DENND4C: variants seen among roughly 807,000 people sequenced by gnomAD.
The protein encoded by DENND4C is DENN domain containing 4C.
DENND4C carries 108 observed loss-of-function variants against 203.0 expected under a neutral mutation model. The observed-to-expected ratio is 0.53, with a 90% CI of 0.46 to 0.62. DENND4C has a LOEUF of 0.62. DENND4C is among the 20% of genes least tolerant of loss of function. The pLI is 0.00. For synonymous variants in DENND4C, 871 were observed against 792.4 expected, an observed-to-expected ratio of 1.10 and a Z score of -1.67; for missense variants, 2,481 against 2,301.2, an observed-to-expected ratio of 1.08 and a Z score of -1.60.
intron 20 of DENND4C, among the ~76,000 whole-genome samples, chr9:19,338,361 T>A (rs1217829697): frequency 6.6e-6 from 1 of 152,300 alleles, no homozygotes; most frequent in Admixed American, 6.5e-5. Flanking sequence ...GATTTTTAAG[T>A]TTACCTCATT....
At chr9:19,237,057 G>A (rs1822140585) in intron 1 of DENND4C, among the ~76,000 whole-genome samples, 1 of 151,824 alleles carries the variant, frequency 6.6e-6, no homozygotes, top group African/African-American at 2.4e-5. Flanking sequence ...TTTTGCTCTT[G>A]TTGCCCGGGC....
At chr9:19,297,862 C>T (rs1588869149) in intron 6 of DENND4C, among the ~76,000 whole-genome samples, 194 bp from the exon 7 acceptor site, 1 of 152,010 alleles carries the variant, frequency 6.6e-6, no homozygotes, top group Non-Finnish European at 1.5e-5. Flanking sequence ...TCAGGAAATA[C>T]ATTGTGTATT....
At chr9:19,315,561 ATGTG>A (rs931238646) in intron 10 of DENND4C, among the ~76,000 whole-genome samples, 1 of 151,140 alleles carries the variant, frequency 6.6e-6, no homozygotes, top group Non-Finnish European at 1.5e-5. Context: ...GTATATATGT[ATGTG>A]TGTATATATA....
chr9:19,277,169 T>C (rs1250170496), intron 2 of DENND4C, among the ~76,000 whole-genome samples: 3 of 152,162 alleles, frequency 2.0e-5, no homozygotes, highest in African/African-American at 4.8e-5. Context: ...TACTAAAATA[T>C]AGATATTTGG....
intron 23 of DENND4C, among the ~76,000 whole-genome samples, chr9:19,350,100 A>C (rs1049415413): frequency 6.6e-6 from 1 of 152,210 alleles, no homozygotes; most frequent in Admixed American, 6.5e-5. Flanking sequence ...TTCTACCTAA[A>C]GCTTCAACAA....
intron 12 of DENND4C, among the ~76,000 whole-genome samples, chr9:19,317,920 A>C (rs1348036124): frequency 1.3e-5 from 2 of 152,240 alleles, no homozygotes; most frequent in African/African-American, 4.8e-5. Context: ...AATGGAGATA[A>C]ATGGAGAAGA....
At chr9:19,308,926 A>C (rs1269927943) in intron 10 of DENND4C, among the ~76,000 whole-genome samples, 1 of 152,230 alleles carries the variant, frequency 6.6e-6, no homozygotes, top group African/African-American at 2.4e-5. Context: ...ATGGCTTTAA[A>C]ATTAAGTTGT....
At chr9:19,275,585 C>G (rs966367798) in intron 1 of DENND4C, among the ~76,000 whole-genome samples, 1 of 152,128 alleles carries the variant, frequency 6.6e-6, no homozygotes, top group African/African-American at 2.4e-5. Flanking sequence ...ATTCTCCTGC[C>G]TCAGCCTCCC....
chr9:19,363,218 G>T (rs1006531928), intron 30 of DENND4C, among the ~76,000 whole-genome samples: 7 of 152,150 alleles, frequency 4.6e-5, no homozygotes, highest in African/African-American at 1.4e-4. Flanking sequence ...GCTGTATTAG[G>T]TTAGGGCCCC....
At position 19,341,071 on chromosome 9, in the gene DENND4C, G is replaced by T; in HGVS notation, c.2961G>T (p.Gln987His). The change falls in exon 21 of 33, where the codon CAG becomes CAT. Residue 987 changes from glutamine (Q) to histidine (H), a missense_variant. Around this residue, in one of 3 missense-constraint regions of DENND4C, gnomAD observed 2,289 missense variants for 2,113.3 expected, o/e 1.08. Transcript: ENST00000434457. ...DDAEIHVPEE[Q>H]AARELITKTK... ...CAGAAATTCATGTGCCTGAAGAACAGGCAGCAAGAGAATTGATAACTAAAA... is the reference window on the plus strand; with the variant it reads ...CAGAAATTCATGTGCCTGAAGAACATGCAGCAAGAGAATTGATAACTAAAA... 6.2e-7 allele frequency: 1 copy of T among 1,612,872 alleles called. No homozygotes were observed. Among genetic ancestry groups the T allele is most frequent in the Non-Finnish European group, 8.5e-7 (1 of 1,179,458 alleles).
At chr9:19,271,057 C>A (rs7871283) in intron 1 of DENND4C, among the ~76,000 whole-genome samples, 1 of 151,802 alleles carries the variant, frequency 6.6e-6, no homozygotes. Flanking sequence ...TCAGAAACAT[C>A]GCTGAAAAAA....
rs575500077 is a variant in DENND4C at position 19,316,437 on chromosome 9, T to C, written c.1508T>C (p.Met503Thr). 2.9e-5 allele frequency: 46 copies of C among 1,613,656 alleles called. No homozygotes were observed. Among genetic ancestry groups the C allele is most frequent in the Non-Finnish European group, 3.4e-5 (40 of 1,179,836 alleles). Reference protein sequence around the residue: ...MLYVSDEKKNMNWKQLPKKPC... With the variant: ...MLYVSDEKKNTNWKQLPKKPC... Reference sequence around the variant, plus strand: ...AATAGATCAGATGAAAAGAAGAACATGAACTGGAAGCAACTTCCCAAAAAG... The same window carrying C: ...AATAGATCAGATGAAAAGAAGAACACGAACTGGAAGCAACTTCCCAAAAAG... The change falls in exon 11 of 33, where the codon ATG becomes ACG. Residue 503 changes from methionine (M) to threonine (T), a missense_variant. Coordinates refer to ENST00000434457, the MANE Select transcript of DENND4C (RefSeq NM_001330640.2).
intron 18 of DENND4C, 67 bp downstream of exon 18, chr9:19,335,172 T>G: frequency 8.3e-7 from 1 of 1,204,086 alleles, no homozygotes; most frequent in Non-Finnish European, 1.1e-6. Context: ...ATACCTTTAG[T>G]TATTCATGAA....
At position 19,345,979 on chromosome 9, in the gene DENND4C, C is replaced by T. The variant is rs74631621; in HGVS notation, c.3210C>T (p.Gly1070=). The change falls in exon 23 of 33, where the codon GGC becomes GGT. Residue 1070 remains glycine (G), a synonymous_variant. Transcript: ENST00000434457. ...TQDPVEDAVF[G]EATNLKKNGD... is the part of the protein sequence containing the mutation. ...ATCCAGTTGAAGATGCAGTCTTTGGCGAAGCTACTAATCTCAAGAAGAATG... is the reference window on the plus strand; with the variant it reads ...ATCCAGTTGAAGATGCAGTCTTTGGTGAAGCTACTAATCTCAAGAAGAATG... 8.5e-5 allele frequency: 137 copies of T among 1,613,868 alleles called. No homozygotes were observed. The highest frequency in any genetic ancestry group is 1.9e-4 in the African/African-American group (14 of 75,016).
chr9:19,336,784 G>C lies in DENND4C; in HGVS notation c.2833G>C (p.Val945Leu), dbSNP rs940668944. The change falls in exon 20 of 33, where the codon GTC becomes CTC. Residue 945 changes from valine to leucine, a missense_variant. Physicochemically the swap from Val to Leu is conservative, Grantham distance 32 (BLOSUM62 1). Around this residue, in one of 3 missense-constraint regions of DENND4C, gnomAD observed 2,289 missense variants for 2,113.3 expected, o/e 1.08. Coordinates refer to ENST00000434457, the MANE Select transcript of DENND4C (RefSeq NM_001330640.2). ...TAACAATGGGGAGCACACAGTCTTC[G>C]TCAGAGATTTAATCAGGCTTGAGTC... Reference protein sequence around the residue: ...DANNGEHTVFVRDLIRLESID... With the variant: ...DANNGEHTVFLRDLIRLESID... The C allele has an allele frequency of 1.3e-6, 2 of 1,550,692 alleles. No individual in the cohort carries two copies. Among genetic ancestry groups the C allele is most frequent in the Non-Finnish European group, 1.7e-6 (2 of 1,147,024 alleles).
At chr9:19,342,339 C>T (rs1376322064) in intron 21 of DENND4C, among the ~76,000 whole-genome samples, 1 of 152,142 alleles carries the variant, frequency 6.6e-6, no homozygotes, top group African/African-American at 2.4e-5. Context: ...ACAAGCCCCT[C>T]TCCATTTGCC....
At chr9:19,233,611 A>G (rs1821124988) in intron 1 of DENND4C, among the ~76,000 whole-genome samples, 1 of 131,292 alleles carries the variant, frequency 7.6e-6, no homozygotes, top group African/African-American at 2.9e-5. Context: ...CCCAAGCTGG[A>G]GTGCAGTGGT....
At chr9:19,236,149 G>A (rs537210406) in intron 1 of DENND4C, among the ~76,000 whole-genome samples, 2 of 151,790 alleles carry the variant, frequency 1.3e-5, no homozygotes, top group Non-Finnish European at 2.9e-5. Context: ...TATGGAAAGA[G>A]GATCTATTAA....
intron 12 of DENND4C, among the ~76,000 whole-genome samples, chr9:19,320,984 A>G (rs1409166348): frequency 2.6e-5 from 4 of 152,248 alleles, no homozygotes; most frequent in African/African-American, 9.6e-5. Flanking sequence ...GAAAGGCTGC[A>G]GAGAAAACCA....
Sources: allele counts gnomAD v4.1 joint callset (sites outside exome capture counted in the v4.1 genomes callset), GRCh38; gene constraint gnomAD v4.1.1; regional missense constraint gnomAD v4.1.1; transcripts MANE v1.5; gene names NCBI Gene and HGNC (gene_info 2026-07-23, HGNC 2026-07-21).